NDRG3: variants seen among roughly 807,000 people sequenced by gnomAD.
NDRG3 encodes protein NDRG3.
A neutral mutation model predicts 57.2 loss-of-function variants in NDRG3; 23 were observed. That is an observed-to-expected ratio of 0.40 (90% CI 0.29 to 0.57). The LOEUF is 0.57. NDRG3 is among the 20% of genes least tolerant of loss of function. NDRG3 has a pLI of 0.42. For missense variants in NDRG3, 384 were observed against 457.3 expected (o/e 0.84, Z 1.46); for synonymous variants, 132 against 162.6 (o/e 0.81, Z 1.43).
At chr20:36,715,731 A>G (rs958150985) in intron 2 of NDRG3, among the ~76,000 whole-genome samples, 12 of 150,630 alleles carry the variant, frequency 8.0e-5, no homozygotes, top group African/African-American at 2.9e-4. Context: ...GTAGCCTCCC[A>G]AGTAGGTGGG....
chr20:36,718,958 G>A (rs6129575), intron 2 of NDRG3, among the ~76,000 whole-genome samples: 1 of 152,102 alleles, frequency 6.6e-6, no homozygotes, highest in African/African-American at 2.4e-5. Context: ...TTGGATTATA[G>A]GTGTGAGCCA....
chr20:36,714,998 GTGTGTGTGTATATA>G (rs1174403388), intron 2 of NDRG3, among the ~76,000 whole-genome samples: 3 of 56,882 alleles, frequency 5.3e-5, no homozygotes, highest in African/African-American at 1.6e-4. Flanking sequence ...GTGTGTGTGT[GTGTGTGTGTATATA>G]TATATATATA....
intron 8 of NDRG3, among the ~76,000 whole-genome samples, 165 bp downstream of exon 8, chr20:36,680,651 G>A (rs1453980310): frequency 6.6e-6 from 1 of 152,106 alleles, no homozygotes; most frequent in African/African-American, 2.4e-5. Context: ...AGTGAGCTGG[G>A]AATATTCTAT....
chr20:36,690,399 C>T (rs1198329589), intron 3 of NDRG3, among the ~76,000 whole-genome samples: 1 of 149,470 alleles, frequency 6.7e-6, no homozygotes, highest in Non-Finnish European at 1.5e-5. Context: ...GCTCAGGAAC[C>T]GAATAGAGCA....
chr20:36,726,498 C>T (rs1443222178), intron 1 of NDRG3, among the ~76,000 whole-genome samples: 4 of 152,138 alleles, frequency 2.6e-5, no homozygotes, highest in Admixed American at 6.5e-5. Context: ...TGCCAATGAG[C>T]AGTTTTATAA....
intron 4 of NDRG3, among the ~76,000 whole-genome samples, chr20:36,687,860 T>A (rs1448460061): frequency 6.6e-6 from 1 of 152,250 alleles, no homozygotes; most frequent in Non-Finnish European, 1.5e-5. Context: ...AATTACTTTG[T>A]TAATATTTGG....
intron 3 of NDRG3, among the ~76,000 whole-genome samples, chr20:36,692,185 G>C (rs1483157759): frequency 1.3e-5 from 2 of 152,172 alleles, no homozygotes; most frequent in Non-Finnish European, 2.9e-5. Context: ...CCAGGATGCA[G>C]AGAAATAACT....
At chr20:36,696,797 G>A (rs982102768) in intron 3 of NDRG3, among the ~76,000 whole-genome samples, 1 of 152,062 alleles carries the variant, frequency 6.6e-6, no homozygotes, top group African/African-American at 2.4e-5. Flanking sequence ...GGCCGCCTCT[G>A]GCCTTTTCTA....
At chr20:36,715,043 T>C (rs1255808633) in intron 2 of NDRG3, among the ~76,000 whole-genome samples, 1 of 118,836 alleles carries the variant, frequency 8.4e-6, no homozygotes, top group Non-Finnish European at 1.7e-5. Flanking sequence ...TATATATATA[T>C]ATATATATAT....
chr20:36,727,904 C>T (rs1358214087), intron 1 of NDRG3, among the ~76,000 whole-genome samples: 2 of 152,028 alleles, frequency 1.3e-5, no homozygotes, highest in African/African-American at 2.4e-5. Flanking sequence ...ATCCCCACAT[C>T]TAAGTAATAA....
intron 3 of NDRG3, among the ~76,000 whole-genome samples, chr20:36,696,715 T>C (rs1982822008): frequency 6.7e-6 from 1 of 150,232 alleles, no homozygotes; most frequent in African/African-American, 2.5e-5. Context: ...ATGGTCTCGA[T>C]CCCCTGACCT....
chr20:36,684,270 G>A (rs1981583154), intron 6 of NDRG3, 143 bp downstream of exon 6: 1 of 632,324 alleles, frequency 1.6e-6, no homozygotes, highest in East Asian at 2.7e-5. Context: ...TTTATTATTT[G>A]TTTGCTTACT....
intron 2 of NDRG3, among the ~76,000 whole-genome samples, chr20:36,711,680 A>G (rs1983888627): frequency 6.6e-6 from 1 of 152,240 alleles, no homozygotes. Context: ...TTTGTTGAGT[A>G]CCGAGCAAAA....
intron 8 of NDRG3, among the ~76,000 whole-genome samples, chr20:36,678,613 G>C (rs1980966092): frequency 6.6e-6 from 1 of 152,238 alleles, no homozygotes; most frequent in Non-Finnish European, 1.5e-5. Flanking sequence ...CTGGGAGGCA[G>C]AGGTTGCAGT....
At chr20:36,692,433 G>C (rs1384697138) in intron 3 of NDRG3, among the ~76,000 whole-genome samples, 1 of 152,030 alleles carries the variant, frequency 6.6e-6, no homozygotes, top group Admixed American at 6.5e-5. Flanking sequence ...CATGTTGTCC[G>C]GGCTGGTCTC....
At chr20:36,713,760 C>T (rs117815692) in intron 2 of NDRG3, among the ~76,000 whole-genome samples, 2,171 of 152,196 alleles carry the variant, frequency 0.014, 21 homozygotes, top group Non-Finnish European at 0.024. Flanking sequence ...AGGTTATGAA[C>T]CTCTCAAAAT....
At chr20:36,667,315 G>A (rs901912052) in intron 9 of NDRG3, among the ~76,000 whole-genome samples, 1 of 151,974 alleles carries the variant, frequency 6.6e-6, no homozygotes, top group African/African-American at 2.4e-5. Context: ...TGCTCAGGCT[G>A]GAGTGCAGTG....
At chr20:36,665,451 C>T (rs1242176036) in intron 10 of NDRG3, 150 bp from the exon 11 acceptor site, 5 of 722,202 alleles carry the variant, frequency 6.9e-6, no homozygotes, top group Non-Finnish European at 1.2e-5. Flanking sequence ...TGACTTGGTT[C>T]TTGAGTCGCC....
At chr20:36,699,850 G>T (rs1371334994) in intron 3 of NDRG3, among the ~76,000 whole-genome samples, 1 of 151,994 alleles carries the variant, frequency 6.6e-6, no homozygotes, top group East Asian at 1.9e-4. Context: ...GCCGGGCACG[G>T]TGGCTCACAT....
Sources: gnomAD v4.1 joint callset for allele counts (sites outside exome capture counted in the v4.1 genomes callset) on GRCh38, gnomAD v4.1.1 for gene constraint, MANE v1.5 for transcripts, NCBI Gene and HGNC (gene_info 2026-07-23, HGNC 2026-07-21) for gene names.